Variants in MGMT observed in about 807,000 individuals in gnomAD.
MGMT encodes O-6-methylguanine-DNA methyltransferase, also known as methylated-DNA--protein-cysteine methyltransferase.
A neutral mutation model predicts 15.9 loss-of-function variants in MGMT; 14 were observed. The ratio of observed to expected loss-of-function variants is 0.88; its 90% confidence interval spans 0.58 to 1.37. The LOEUF is 1.37. Among genes scored for constraint, MGMT ranks in the 40% most tolerant of loss-of-function variants. MGMT has a pLI of 0.00. For synonymous variants in MGMT, 130 were observed against 118.2 expected, an observed-to-expected ratio of 1.10 and a Z score of -0.65; for missense variants, 282 against 268.1, an observed-to-expected ratio of 1.05 and a Z score of -0.36.
At chr10:129,518,325 GATACACACACATACAC>G (rs1169962525) in intron 1 of MGMT, among the ~76,000 whole-genome samples, 12 of 88,112 alleles carry the variant, frequency 1.4e-4, no homozygotes, top group East Asian at 7.4e-4. Flanking sequence ...TGTGTGTACA[GATACACACACATACAC>G]ACACACACAC....
intron 1 of MGMT, among the ~76,000 whole-genome samples, chr10:129,486,436 G>A (rs948528401): frequency 4.6e-5 from 7 of 152,042 alleles, no homozygotes; most frequent in African/African-American, 7.2e-5. Context: ...TGATCCACCT[G>A]CCTCAGCCTC....
chr10:129,587,788 G>T (rs488269), intron 2 of MGMT, among the ~76,000 whole-genome samples: 152,143 of 152,316 alleles, frequency 1, 75,986 homozygotes, highest in Middle Eastern at 1. Flanking sequence ...TAACGACTAT[G>T]TTAATATCCT....
chr10:129,759,430 G>T, intron 4 of MGMT, 89 bp downstream of exon 4: 1 of 1,583,530 alleles, frequency 6.3e-7, no homozygotes, highest in Non-Finnish European at 8.6e-7. Flanking sequence ...TCCTCGGAAG[G>T]CAGGCTGTGC....
intron 2 of MGMT, among the ~76,000 whole-genome samples, chr10:129,609,381 A>G (rs1846932533): frequency 6.7e-6 from 1 of 149,708 alleles, no homozygotes; most frequent in African/African-American, 2.5e-5. Flanking sequence ...CATCCGGATG[A>G]TAGAGGTGGA....
chr10:129,766,688 G>T, intron 4 of MGMT, 100 bp from the exon 5 acceptor site: 1 of 1,085,194 alleles, frequency 9.2e-7, no homozygotes, highest in Non-Finnish European at 1.3e-6. Flanking sequence ...GCCCCTGCTT[G>T]GTGGGCACAG....
At chr10:129,640,614 CTT>C (rs1847317452) in intron 2 of MGMT, among the ~76,000 whole-genome samples, 1 of 152,076 alleles carries the variant, frequency 6.6e-6, no homozygotes, top group Admixed American at 6.5e-5. Context: ...CTTTCCAACT[CTT>C]TTTATGATGG....
intron 3 of MGMT, among the ~76,000 whole-genome samples, chr10:129,753,072 C>T (rs114072468): frequency 6.6e-6 from 1 of 152,148 alleles, no homozygotes; most frequent in African/African-American, 2.4e-5. Flanking sequence ...TAACTTCATT[C>T]CTGAAGGATT....
At chr10:129,551,860 C>T (rs1564849877) in intron 2 of MGMT, among the ~76,000 whole-genome samples, 1 of 152,142 alleles carries the variant, frequency 6.6e-6, no homozygotes, top group African/African-American at 2.4e-5. Flanking sequence ...GGGAAGGGCA[C>T]CCCTCGCTGT....
rs995415876 is a variant in MGMT, at chr10:129,515,075, G to A, written c.-12-21166G>A. ...AAGGGTTGGGGTCTGCCCCTTCTCC[G>A]CTCCTCAGCTTCCTGCAGTGGCTGG... is the stretch of plus-strand genomic sequence containing the variant. On this transcript the variant is annotated intron_variant, in intron 1 of 4. Transcript: ENST00000651593. 7.9e-5 allele frequency among the ~76,000 whole-genome samples: 12 copies of A among 152,304 alleles called. No homozygotes were observed. In the South Asian group the frequency reaches 1.2e-3, roughly 16 times the overall value.
intron 3 of MGMT, among the ~76,000 whole-genome samples, chr10:129,746,043 G>A (rs1415235189): frequency 1.3e-5 from 2 of 152,006 alleles, no homozygotes; most frequent in Non-Finnish European, 2.9e-5. Flanking sequence ...ACTGCATCCT[G>A]GCTGACACAG....
intron 3 of MGMT, among the ~76,000 whole-genome samples, chr10:129,737,332 C>A (rs1848575503): frequency 6.6e-6 from 1 of 152,154 alleles, no homozygotes. Context: ...ACCCTTTCTT[C>A]CAGTTGATTG....
intron 3 of MGMT, among the ~76,000 whole-genome samples, chr10:129,733,403 G>T (rs905694747): frequency 1.3e-5 from 2 of 151,898 alleles, no homozygotes; most frequent in Non-Finnish European, 2.9e-5. Context: ...TTTTGATGGG[G>T]TTGTTTGTTT....
rs117318136 is a variant in MGMT at position 129,552,202 on chromosome 10, G to A, written c.125+15825G>A. On this transcript the variant is annotated intron_variant, in intron 2 of 4. Transcript: ENST00000651593. ...GCCGCCCACCCGCTCATGGCCGAGCGCCCCGTTTCCTGAACATGTGGGAGG... is the reference window on the plus strand; with the variant it reads ...GCCGCCCACCCGCTCATGGCCGAGCACCCCGTTTCCTGAACATGTGGGAGG... Among the ~76,000 whole-genome samples, 599 of 152,340 alleles carry A rather than the reference G, an allele frequency of 3.9e-3. 6 individuals carry two copies. The highest frequency in any genetic ancestry group is 0.014 in the Middle Eastern group (4 of 294).
chr10:129,724,990 C>G (rs1848415503), intron 3 of MGMT, among the ~76,000 whole-genome samples: 1 of 152,192 alleles, frequency 6.6e-6, no homozygotes, highest in Admixed American at 6.5e-5. Flanking sequence ...TCTGGGAGGT[C>G]TGTGAATTGT....
intron 1 of MGMT, among the ~76,000 whole-genome samples, chr10:129,524,953 GAGCTAGAGTTGGTTT>G (rs1219128699): frequency 3.3e-5 from 5 of 152,182 alleles, no homozygotes; most frequent in Non-Finnish European, 7.3e-5. Flanking sequence ...TTGTCAGTTA[GAGCTAGAGTTGGTTT>G]AGCTAAACTG....
intron 2 of MGMT, among the ~76,000 whole-genome samples, chr10:129,574,105 G>A (rs966252660): frequency 1.7e-4 from 26 of 152,194 alleles, no homozygotes; most frequent in Non-Finnish European, 3.7e-4. Flanking sequence ...TGTCACAGAT[G>A]ATACTGTTAT....
intron 1 of MGMT, among the ~76,000 whole-genome samples, chr10:129,487,997 A>ACACACT (rs200221986): frequency 2.8e-3 from 314 of 113,372 alleles, no homozygotes; most frequent in African/African-American, 0.011. Context: ...ACACACACAC[A>ACACACT]TAGGTATACA....
At chr10:129,551,720 C>T (rs1846159232) in intron 2 of MGMT, among the ~76,000 whole-genome samples, 1 of 152,164 alleles carries the variant, frequency 6.6e-6, no homozygotes, top group Non-Finnish European at 1.5e-5. Context: ...CAGACCCCAC[C>T]ACTGGGTGCA....
intron 3 of MGMT, among the ~76,000 whole-genome samples, chr10:129,746,238 CA>C (rs57022839): frequency 0.53 from 55,143 of 104,478 alleles, 11,665 homozygotes; most frequent in African/African-American, 0.66. Context: ...GACTCTGTCT[CA>C]AAAAAAAAAA....
Sources: allele counts gnomAD v4.1 joint callset (sites outside exome capture counted in the v4.1 genomes callset), GRCh38; gene constraint gnomAD v4.1.1; transcripts MANE v1.5; gene names NCBI Gene and HGNC (gene_info 2026-07-23, HGNC 2026-07-21).